The following KCTD9 variants were observed in gnomAD, a reference collection of about 807,000 sequenced individuals.
KCTD9 encodes the protein potassium channel tetramerization domain containing 9.
A neutral mutation model predicts 53.3 loss-of-function variants in KCTD9; 17 were observed. That is an observed-to-expected ratio of 0.32 (90% CI 0.22 to 0.48). The LOEUF (loss-of-function observed/expected upper bound fraction) is 0.48. Ranked by LOEUF, KCTD9 falls within the 20% of genes least tolerant of loss-of-function variation. The pLI, the probability that KCTD9 is intolerant of heterozygous loss-of-function variation, is 0.99. For synonymous variants in KCTD9, 128 were observed against 162.7 expected (o/e 0.79, Z 1.62); for missense variants, 179 against 465.5 (o/e 0.38, Z 5.66).
intron 3 of KCTD9, among the ~76,000 whole-genome samples, chr8:25,441,011 A>T (rs1802111578): frequency 6.6e-6 from 1 of 152,220 alleles, no homozygotes; most frequent in Non-Finnish European, 1.5e-5. Flanking sequence ...ACAGATTGAG[A>T]TCATCCCAAA....
chr8:25,446,021 C>A, intron 2 of KCTD9, 108 bp downstream of exon 2: 4 of 1,416,026 alleles, frequency 2.8e-6, no homozygotes, highest in Non-Finnish European at 3.8e-6. Flanking sequence ...TAAACACTTG[C>A]CAAAATCCTG....
At position 25,429,878 on chromosome 8, in the gene KCTD9, G is replaced by A; in HGVS notation, c.1149C>T (p.His383=). 1.3e-6 allele frequency: 2 copies of A among 1,575,400 alleles called. No homozygotes were observed. The highest frequency in any genetic ancestry group is 8.7e-7 in the Non-Finnish European group (1 of 1,144,792). The change falls in exon 12 of 12, where the codon CAC becomes CAT. Residue 383 remains histidine, a synonymous_variant. Coordinates refer to ENST00000221200, the MANE Select transcript of KCTD9 (RefSeq NM_017634.4). ...AIFEEMLTPL[H]MSQSVR ...ATTCTCATCTGACACTTTGTGACATGTGTAGTGGTGTCAGCATCTCTTCAA... is the reference window on the plus strand; with the variant it reads ...ATTCTCATCTGACACTTTGTGACATATGTAGTGGTGTCAGCATCTCTTCAA...
rs189532161 is a variant in KCTD9, at chr8:25,454,586, T to C, written c.48+3613A>G. On this transcript the variant is annotated intron_variant, in intron 1 of 11. Transcript: ENST00000221200. The stretch of plus-strand genomic sequence containing the variant: ...AGAATAACGAAAATGTTGAGGCACA[T>C]GGAAAAAGGATGACAGGTACAAACA... Among the ~76,000 whole-genome samples, 38 of 152,210 alleles carry C rather than the reference T, an allele frequency of 2.5e-4. No homozygotes were observed. The East Asian group carries it at 3.9e-3, about 15-fold the overall frequency.
chr8:25,429,923 G>A lies in KCTD9; in HGVS notation c.1104C>T (p.Ser368=). 2 of 1,610,828 alleles carry A rather than the reference G, an allele frequency of 1.2e-6. No homozygotes were observed. Among genetic ancestry groups the A allele is most frequent in the Non-Finnish European group, 1.7e-6 (2 of 1,177,232 alleles). ...CDLQEANLRG[S]NVKGAIFEEM... is the part of the protein sequence containing the mutation. ...CTTCAAATATAGCTCCCTTCACGTTGGACCCTCTCAGGTTGGCTTCTTGAA... is the reference window on the plus strand; with the variant it reads ...CTTCAAATATAGCTCCCTTCACGTTAGACCCTCTCAGGTTGGCTTCTTGAA... Residue 368 remains serine, a synonymous_variant, in exon 12 of 12, where the codon TCC becomes TCT. Transcript: ENST00000221200.
intron 3 of KCTD9, among the ~76,000 whole-genome samples, chr8:25,441,874 C>A (rs1802129671): frequency 6.6e-6 from 1 of 152,016 alleles, no homozygotes; most frequent in African/African-American, 2.4e-5. Context: ...TGGTAGCACA[C>A]ATCTGCAGTC....
chr8:25,444,485 G>C (rs917999027), intron 2 of KCTD9, 150 bp from the exon 3 acceptor site: 6 of 647,146 alleles, frequency 9.3e-6, no homozygotes, highest in Non-Finnish European at 7.7e-6. Flanking sequence ...CCAATGCTTT[G>C]TTTAACCCCT....
At chr8:25,448,894 G>A (rs1051246249) in intron 1 of KCTD9, among the ~76,000 whole-genome samples, 5 of 150,914 alleles carry the variant, frequency 3.3e-5, no homozygotes, top group South Asian at 2.1e-4. Context: ...CAGCCTGGGC[G>A]ACAAAGTGAG....
At chr8:25,455,548 G>A (rs1586442638) in intron 1 of KCTD9, among the ~76,000 whole-genome samples, 1 of 152,340 alleles carries the variant, frequency 6.6e-6, no homozygotes, top group East Asian at 1.9e-4. Context: ...CATACTAGGA[G>A]AAGTGGCAGC....
chr8:25,434,909 C>T (rs893047127), intron 9 of KCTD9, among the ~76,000 whole-genome samples: 9 of 152,036 alleles, frequency 5.9e-5, no homozygotes, highest in African/African-American at 2.2e-4. Flanking sequence ...AGAGGGAAAA[C>T]GCCACTGAGA....
At chr8:25,448,543 CTTT>C (rs2117430748) in intron 1 of KCTD9, among the ~76,000 whole-genome samples, 1 of 152,266 alleles carries the variant, frequency 6.6e-6, no homozygotes, top group Non-Finnish European at 1.5e-5. Context: ...TTTGTTCCAT[CTTT>C]TATCACAATA....
intron 11 of KCTD9, among the ~76,000 whole-genome samples, chr8:25,432,164 T>C (rs1013513695): frequency 3.3e-5 from 5 of 152,184 alleles, no homozygotes; most frequent in East Asian, 3.9e-4. Context: ...AAAAAACATA[T>C]GGTTCCAATT....
At position 25,428,377 on chromosome 8, in the gene KCTD9, T is replaced by C. The variant is rs1165616772; in HGVS notation, c.*1480A>G. On this transcript the variant is annotated 3_prime_UTR_variant, in exon 12 of 12. Coordinates refer to ENST00000221200, the MANE Select transcript of KCTD9 (RefSeq NM_017634.4). ...CTCCTCCCACTATGCATATGTACCC[T>C]TTACTGTTAAGGAAAGCTTTGCATA... is the stretch of plus-strand genomic sequence containing the variant. The C allele has an allele frequency of 1.3e-5, 2 of 152,592 alleles. No homozygotes were observed. The highest frequency in any genetic ancestry group is 4.8e-5 in the African/African-American group (2 of 41,452). 9.5% of individuals were successfully genotyped at this position (152,592 alleles called of 1,614,324 possible).
intron 2 of KCTD9, 121 bp downstream of exon 2, chr8:25,446,008 A>T: frequency 1.6e-6 from 2 of 1,270,058 alleles, no homozygotes; most frequent in Non-Finnish European, 2.2e-6. Flanking sequence ...AGCAAATTCT[A>T]GGTAAACACT....
At chr8:25,446,295 T>G (rs1466100278) in intron 1 of KCTD9, 45 bp from the exon 2 acceptor site, 8 of 1,601,716 alleles carry the variant, frequency 5.0e-6, no homozygotes, top group Non-Finnish European at 6.8e-6. Context: ...TTAATACATG[T>G]TATCCCCCAT....
chr8:25,436,150 G>A (rs1802014565), intron 8 of KCTD9, 85 bp downstream of exon 8: 4 of 867,546 alleles, frequency 4.6e-6, no homozygotes, highest in African/African-American at 3.4e-5. Context: ...AACAAAGCAA[G>A]ATAATCCCAA....
rs1366718013 is a variant in KCTD9, at chr8:25,432,557, T to C, written c.1000A>G (p.Lys334Glu). 1 of 1,613,582 alleles carries C rather than the reference T, an allele frequency of 6.2e-7. No homozygotes were observed. The change falls in exon 11 of 12, where the codon AAG becomes GAG. Residue 334 changes from lysine (K) to glutamate (E), a missense_variant. Lys to Glu is a moderately conservative substitution (Grantham distance 56). Coordinates refer to ENST00000221200, the MANE Select transcript of KCTD9 (RefSeq NM_017634.4). ...NLRVATLKNAKLKNCNLRGAT... is the reference protein window; with the variant it reads ...NLRVATLKNAELKNCNLRGAT... ...CCTCTGAGGTTACAGTTCTTCAACTTTGCATTTTTTAAGGTAGCCACTCTC... is the reference window on the plus strand; with the variant it reads ...CCTCTGAGGTTACAGTTCTTCAACTCTGCATTTTTTAAGGTAGCCACTCTC...
At chr8:25,433,759 A>C (rs1252625529) in intron 9 of KCTD9, among the ~76,000 whole-genome samples, 1 of 152,224 alleles carries the variant, frequency 6.6e-6, no homozygotes, top group Non-Finnish European at 1.5e-5. Context: ...CTCTATTTTT[A>C]TAAACATACC....
At chr8:25,448,289 G>C (rs1445323288) in intron 1 of KCTD9, among the ~76,000 whole-genome samples, 1 of 152,048 alleles carries the variant, frequency 6.6e-6, no homozygotes, top group Non-Finnish European at 1.5e-5. Context: ...AGTCACAAAA[G>C]GATAAATATT....
At chr8:25,431,374 C>T (rs1174150707) in intron 11 of KCTD9, among the ~76,000 whole-genome samples, 1 of 152,000 alleles carries the variant, frequency 6.6e-6, no homozygotes, top group Non-Finnish European at 1.5e-5. Flanking sequence ...ACAGTGTAAC[C>T]ACCGCAATTT....
Sources: gnomAD v4.1 joint callset for allele counts (sites outside exome capture counted in the v4.1 genomes callset) on GRCh38, gnomAD v4.1.1 for gene constraint, MANE v1.5 for transcripts, NCBI Gene and HGNC (gene_info 2026-07-23, HGNC 2026-07-21) for gene names.